The following HMGXB4 variants were observed in gnomAD, a reference collection of about 807,000 sequenced individuals.
HMGXB4 encodes the protein HMG-box containing 4.
A neutral mutation model predicts 63.9 loss-of-function variants in HMGXB4; 27 were observed. The ratio of observed to expected loss-of-function variants is 0.42; its 90% CI spans 0.31 to 0.58. The LOEUF is 0.58. HMGXB4 is among the 20% of genes least tolerant of loss of function. The probability of loss-of-function intolerance (pLI) is 0.13; values close to 1 mark genes in which losing one functional copy is unlikely to be tolerated. For synonymous variants in HMGXB4, 264 were observed against 265.3 expected, an observed-to-expected ratio of 0.99 and a Z score of 0.05; for missense variants, 624 against 700.7, an observed-to-expected ratio of 0.89 and a Z score of 1.24.
At chr22:35,277,353 TTA>T (rs1042777546) in intron 5 of HMGXB4, among the ~76,000 whole-genome samples, 1 of 152,206 alleles carries the variant, frequency 6.6e-6, no homozygotes, top group African/African-American at 2.4e-5. Context: ...TTGTTTTTGT[TTA>T]TGTTTTTGTT....
At chr22:35,278,656 TA>T (rs1033302761) in intron 5 of HMGXB4, among the ~76,000 whole-genome samples, 12 of 100,536 alleles carry the variant, frequency 1.2e-4, no homozygotes, top group African/African-American at 1.8e-4. Context: ...TTTTTAATAT[TA>T]TTTTTTTTTA....
At chr22:35,269,297 G>T (rs1329348318) in intron 5 of HMGXB4, among the ~76,000 whole-genome samples, 1 of 152,216 alleles carries the variant, frequency 6.6e-6, no homozygotes, top group African/African-American at 2.4e-5. Flanking sequence ...AGAATTGCTT[G>T]AACTTGGGAG....
Position 35,265,016 on chromosome 22 carries a change from T to G in HMGXB4, c.628T>G (p.Ser210Ala). 1 of 1,612,894 alleles carries G rather than the reference T, an allele frequency of 6.2e-7. No individual in the cohort carries two copies. The highest frequency in any genetic ancestry group is 1.3e-5 in the African/African-American group (1 of 74,672). The change falls in exon 5 of 11, where the codon TCT becomes GCT. Residue 210 changes from serine to alanine, a missense_variant. This residue lies in a region of HMGXB4 where 472 missense variants were observed against 470.6 expected (regional missense o/e 1.00). Transcript: ENST00000216106. ...GGGAAGCAGCTCTGTTGATGAGGAG[T>G]CTTTTCAATATCCCTCCCAACAAGC... ...EKGSSSVDEESFQYPSQQATV... is the reference protein window; with the variant it reads ...EKGSSSVDEEAFQYPSQQATV...
At chr22:35,244,870 G>C in the HMGXB4 span, among the ~76,000 whole-genome samples, 1 of 152,154 alleles carries the variant, frequency 6.6e-6, no homozygotes, top group Non-Finnish European at 1.5e-5. Context: ...GCTGGCAACT[G>C]TACCCTTTCT....
rs1319140511 is a variant in HMGXB4 at position 35,262,348 on chromosome 22, C to T, written c.-43C>T. Reference sequence around the variant, plus strand: ...ACCTGGTCCTGTAGACGGGAAGGAGCCTGGACACAGTGACACATTCTCAAA... The same window carrying T: ...ACCTGGTCCTGTAGACGGGAAGGAGTCTGGACACAGTGACACATTCTCAAA... On this transcript the variant is annotated 5_prime_UTR_variant, in exon 2 of 11. Coordinates refer to ENST00000216106, the MANE Select transcript of HMGXB4 (RefSeq NM_001003681.3). 3 of 1,603,300 alleles carry T rather than the reference C, an allele frequency of 1.9e-6. No homozygotes were observed. The highest frequency in any genetic ancestry group is 2.2e-5 in the East Asian group (1 of 44,844).
At chr22:35,268,001 T>A (rs889956938) in intron 5 of HMGXB4, among the ~76,000 whole-genome samples, 1 of 152,212 alleles carries the variant, frequency 6.6e-6, no homozygotes, top group Non-Finnish European at 1.5e-5. Flanking sequence ...GGAGAATCGC[T>A]TGAGCCCAGG....
chr22:35,292,998 G>GTGGC lies in HMGXB4; in HGVS notation c.1648_1651dup (p.Val551GlyfsTer29). On this transcript the variant is annotated frameshift_variant, in exon 10 of 11. Coordinates refer to ENST00000216106, the MANE Select transcript of HMGXB4 (RefSeq NM_001003681.3). LOFTEE classifies it high-confidence loss of function. ...AACCTCCTCTCCTTTTCAGGGTATG[G>GTGGC]TGGCTGTGTCTGGCAGTTTGTCAGT... is the stretch of plus-strand genomic sequence containing the variant. 6.2e-7 allele frequency: 1 copy of GTGGC among 1,614,256 alleles called. No individual in the cohort carries two copies. Among genetic ancestry groups the GTGGC allele is most frequent in the Non-Finnish European group, 8.5e-7 (1 of 1,180,054 alleles).
chr22:35,255,205 ACTC>A (rs1922339148), upstream of HMGXB4, among the ~76,000 whole-genome samples: 1 of 151,418 alleles, frequency 6.6e-6, no homozygotes, highest in Admixed American at 6.6e-5. Context: ...GGAAAAAGAA[ACTC>A]CTTCCAGGGC....
chr22:35,249,568 T>C, the HMGXB4 span, among the ~76,000 whole-genome samples: 1 of 98,260 alleles, frequency 1.0e-5, no homozygotes, highest in African/African-American at 2.6e-5. Flanking sequence ...AGAAGGGTGC[T>C]GGGGATAGAT....
chr22:35,288,436 CAGTTTCCCATAT>C (rs1388852201), intron 9 of HMGXB4, 29 bp downstream of exon 9: 5 of 1,523,942 alleles, frequency 3.3e-6, no homozygotes, highest in African/African-American at 2.8e-5. Context: ...AGCATGACTA[CAGTTTCCCATAT>C]AGTTTCCCAT....
intron 4 of HMGXB4, 114 bp downstream of exon 4, chr22:35,263,988 G>T: frequency 6.4e-7 from 1 of 1,570,558 alleles, no homozygotes; most frequent in Non-Finnish European, 8.6e-7. Context: ...ACAGGACAGT[G>T]GTTCTTGTTC....
chr22:35,259,126 A>T (rs1922670881), intron 1 of HMGXB4, among the ~76,000 whole-genome samples: 1 of 152,104 alleles, frequency 6.6e-6, no homozygotes, highest in Non-Finnish European at 1.5e-5. Flanking sequence ...GGGAAAGAGC[A>T]ACTCTGCCCC....
chr22:35,242,123 T>C, the HMGXB4 span, among the ~76,000 whole-genome samples: 2 of 152,204 alleles, frequency 1.3e-5, no homozygotes, highest in Non-Finnish European at 2.9e-5. Context: ...TTTTATAGAG[T>C]TTTTAAAATT....
At chr22:35,251,858 T>G in the HMGXB4 span, among the ~76,000 whole-genome samples, 3 of 152,184 alleles carry the variant, frequency 2.0e-5, no homozygotes, top group South Asian at 6.2e-4. Context: ...ATGTGTCCTT[T>G]TGTTTTTGTT....
At chr22:35,284,820 C>A (rs1159728511) in intron 6 of HMGXB4, among the ~76,000 whole-genome samples, 1 of 152,208 alleles carries the variant, frequency 6.6e-6, no homozygotes, top group Non-Finnish European at 1.5e-5. Flanking sequence ...ATCCTGGACA[C>A]ATGTCACTTA....
chr22:35,283,820 T>C (rs1924409603), intron 5 of HMGXB4, 142 bp from the exon 6 acceptor site: 1 of 552,386 alleles, frequency 1.8e-6, no homozygotes, highest in African/African-American at 1.9e-5. Context: ...TTATCCTGTT[T>C]AGGAAAGCTG....
At chr22:35,268,623 C>G (rs1261380901) in intron 5 of HMGXB4, among the ~76,000 whole-genome samples, 1 of 152,206 alleles carries the variant, frequency 6.6e-6, no homozygotes, top group Non-Finnish European at 1.5e-5. Flanking sequence ...GTCTGTCTTG[C>G]TATCCCTAGT....
chr22:35,256,765 T>A (rs1922430200), upstream of HMGXB4, among the ~76,000 whole-genome samples: 1 of 152,162 alleles, frequency 6.6e-6, no homozygotes, highest in Non-Finnish European at 1.5e-5. Flanking sequence ...CCTCCCAAAG[T>A]GCTGGGATTA....
chr22:35,270,777 A>G (rs1923556995), intron 5 of HMGXB4, among the ~76,000 whole-genome samples: 1 of 152,266 alleles, frequency 6.6e-6, no homozygotes, highest in South Asian at 2.1e-4. Context: ...TTAAGAGTTA[A>G]TATCTTTGAT....
Sources: gnomAD v4.1 joint callset for allele counts (sites outside exome capture counted in the v4.1 genomes callset) on GRCh38, gnomAD v4.1.1 for gene constraint, gnomAD v4.1.1 regional missense constraint, MANE v1.5 for transcripts, NCBI Gene and HGNC (gene_info 2026-07-23, HGNC 2026-07-21) for gene names.